Variants in ERC2 observed in about 807,000 individuals in gnomAD.
ERC2 encodes ERC protein 2.
A neutral mutation model predicts 114.8 loss-of-function variants in ERC2; 42 were observed. The ratio of observed to expected loss-of-function variants is 0.37; its 90% CI spans 0.29 to 0.47. ERC2 has a LOEUF of 0.47. Among genes scored for constraint, ERC2 ranks in the 20% least tolerant of loss-of-function variants. The pLI is 0.99. For missense variants in ERC2, 939 were observed against 1,150.7 expected, an observed-to-expected ratio of 0.82 and a Z score of 2.66; for synonymous variants, 454 against 425.5, an observed-to-expected ratio of 1.07 and a Z score of -0.82.
rs558724297 is a variant in ERC2 at position 55,545,076 on chromosome 3, A to AT, written c.*40-33801_*40-33800insA. Among the ~76,000 whole-genome samples the AT allele has an allele frequency of 2.4e-4, 37 of 152,250 alleles. No homozygotes were observed. In the East Asian group the frequency reaches 7.2e-3, roughly 29 times the overall value. ...TCAGTCATCATTTTCCTGGCTGTATAAGTGCTTTCTCCAAAAGACTTCTCT... is the reference window on the plus strand; with the variant it reads ...TCAGTCATCATTTTCCTGGCTGTATATAGTGCTTTCTCCAAAAGACTTCTCT... On this transcript the variant is annotated intron_variant, in intron 17 of 17. Transcript: ENST00000288221.
intron 14 of ERC2, among the ~76,000 whole-genome samples, chr3:55,778,086 TA>T (rs1290317393): frequency 6.6e-6 from 1 of 152,172 alleles, no homozygotes; most frequent in East Asian, 1.9e-4. Flanking sequence ...AAAATATATT[TA>T]AAAAAATTTT....
chr3:55,873,237 T>C (rs920591743), intron 14 of ERC2, among the ~76,000 whole-genome samples: 3 of 152,172 alleles, frequency 2.0e-5, no homozygotes, highest in Non-Finnish European at 4.4e-5. Flanking sequence ...ATGCTTCTAG[T>C]GTGCCCACAT....
intron 2 of ERC2, among the ~76,000 whole-genome samples, chr3:56,418,389 G>C (rs563954289): frequency 6.6e-6 from 1 of 151,168 alleles, no homozygotes; most frequent in East Asian, 2.0e-4. Flanking sequence ...CCTGTCCTAA[G>C]ATCCTCTTGT....
intron 14 of ERC2, among the ~76,000 whole-genome samples, chr3:55,806,843 C>T (rs1430377272): frequency 6.6e-6 from 1 of 152,214 alleles, no homozygotes; most frequent in Non-Finnish European, 1.5e-5. Context: ...TATCCTCACT[C>T]AGCTTCAGTG....
At chr3:55,583,889 C>T (rs1559694462) in intron 17 of ERC2, among the ~76,000 whole-genome samples, 1 of 1,296 alleles carries the variant, frequency 7.7e-4, no homozygotes, top group Admixed American at 0.014. Context: ...AACTTGCTAG[C>T]CCCCCTCCCA....
intron 8 of ERC2, among the ~76,000 whole-genome samples, chr3:56,017,714 T>C (rs896178697): frequency 2.0e-5 from 3 of 152,140 alleles, no homozygotes; most frequent in Middle Eastern, 3.2e-3. Context: ...TCTTCTTTTG[T>C]AGAAAATATT....
rs181671987 is a variant in ERC2 at position 55,689,733 on chromosome 3, C to T, written c.2848-5874G>A. Reference sequence around the variant, plus strand: ...GCTTGAACCTGGGAGATGGAGGTTGCGGTGAGCCGAGATCGCGCCATTGCA... The same window carrying T: ...GCTTGAACCTGGGAGATGGAGGTTGTGGTGAGCCGAGATCGCGCCATTGCA... On this transcript the variant is annotated intron_variant, in intron 16 of 17. Transcript: ENST00000288221. 4.7e-5 allele frequency among the ~76,000 whole-genome samples: 7 copies of T among 149,840 alleles called. No homozygotes were observed. In the East Asian group the frequency reaches 7.9e-4, roughly 17 times the overall value.
chr3:55,549,772 C>G (rs1200725451), intron 17 of ERC2, among the ~76,000 whole-genome samples: 2 of 152,010 alleles, frequency 1.3e-5, no homozygotes, highest in African/African-American at 4.8e-5. Context: ...GCTTAATGCA[C>G]AGGGCCCTGT....
chr3:56,228,188 T>C (rs896107328), intron 3 of ERC2, among the ~76,000 whole-genome samples: 2 of 152,188 alleles, frequency 1.3e-5, no homozygotes, highest in African/African-American at 4.8e-5. Flanking sequence ...TTTTTATTCG[T>C]CATTTCTAAC....
rs775028652 is a variant in ERC2, at chr3:56,019,044, A to G, written c.1642-13T>C. Reference sequence around the variant, plus strand: ...GCAAGTTTTCAATCTAAAAATAAAAATCAATATTTTAATGCATATTTGATT... The same window carrying G: ...GCAAGTTTTCAATCTAAAAATAAAAGTCAATATTTTAATGCATATTTGATT... On this transcript the variant is annotated splice_polypyrimidine_tract_variant and intron_variant, in intron 7 of 17. Coordinates refer to ENST00000288221, the MANE Select transcript of ERC2 (RefSeq NM_015576.3). 3.1e-6 allele frequency: 5 copies of G among 1,592,482 alleles called. No individual in the cohort carries two copies. In the African/African-American group the frequency reaches 5.4e-5, roughly 17 times the overall value.
chr3:55,573,699 C>T (rs887706363), intron 17 of ERC2, among the ~76,000 whole-genome samples: 18 of 152,072 alleles, frequency 1.2e-4, no homozygotes, highest in African/African-American at 4.1e-4. Context: ...CCTTCCTCAG[C>T]CCACATGTCC....
At chr3:55,937,735 C>T (rs553071324) in intron 13 of ERC2, among the ~76,000 whole-genome samples, 15 of 152,274 alleles carry the variant, frequency 9.9e-5, no homozygotes, top group African/African-American at 3.4e-4. Context: ...AAGTAGACAT[C>T]TTGATTATTT....
At chr3:55,586,230 C>T (rs567153210) in intron 17 of ERC2, among the ~76,000 whole-genome samples, 2 of 152,272 alleles carry the variant, frequency 1.3e-5, no homozygotes, top group East Asian at 3.9e-4. Flanking sequence ...AGAGAGGTGG[C>T]CCTCGGACTG....
chr3:56,052,128 C>T (rs968902199), intron 7 of ERC2, among the ~76,000 whole-genome samples: 10 of 152,182 alleles, frequency 6.6e-5, no homozygotes, highest in Non-Finnish European at 1.5e-4. Context: ...ACTGTAAAAT[C>T]CCAGCATGTC....
chr3:55,993,607 G>A (rs1257815938), intron 10 of ERC2, among the ~76,000 whole-genome samples: 1 of 151,370 alleles, frequency 6.6e-6, no homozygotes. Flanking sequence ...TAAGCATGAG[G>A]ATAAAGGGGA....
intron 12 of ERC2, among the ~76,000 whole-genome samples, chr3:55,972,444 C>G (rs2069237528): frequency 1.3e-5 from 2 of 152,252 alleles, no homozygotes; most frequent in South Asian, 4.2e-4. Context: ...AACACCCCAA[C>G]AGGCCACGGT....
Position 55,852,072 on chromosome 3 carries a change from T to C in ERC2, c.2564+36317A>G, listed in dbSNP as rs1384217864. Among the ~76,000 whole-genome samples the C allele has an allele frequency of 3.3e-5, 5 of 152,048 alleles. No homozygotes were observed. In the East Asian group the frequency reaches 9.7e-4, roughly 29 times the overall value. On this transcript the variant is annotated intron_variant, in intron 14 of 17. Transcript: ENST00000288221. ...CCTCATCTCTACTAAAAATACAAAA[T>C]TAGCTGGCGTGGTGGCGCATTCTTC... is the stretch of plus-strand genomic sequence containing the variant.
At chr3:55,987,076 T>A (rs187401155) in intron 11 of ERC2, among the ~76,000 whole-genome samples, 16 of 152,254 alleles carry the variant, frequency 1.1e-4, no homozygotes, top group Admixed American at 2.6e-4. Flanking sequence ...ATGAAAACAG[T>A]GTTGATTACA....
intron 7 of ERC2, among the ~76,000 whole-genome samples, chr3:56,034,632 T>A (rs1439299697): frequency 1.3e-5 from 2 of 152,174 alleles, no homozygotes; most frequent in Admixed American, 1.3e-4. Flanking sequence ...ATATCAAGTA[T>A]CTTTTCCAAC....
Sources: gnomAD v4.1 joint callset for allele counts (sites outside exome capture counted in the v4.1 genomes callset) on GRCh38, gnomAD v4.1.1 for gene constraint, MANE v1.5 for transcripts, NCBI Gene and HGNC (gene_info 2026-07-23, HGNC 2026-07-21) for gene names.